Variants in UNC5C observed in about 807,000 individuals in gnomAD.
UNC5C encodes the protein netrin receptor UNC5C.
Under a neutral mutation model 99.8 loss-of-function variants are expected in UNC5C, and 47 were observed. The ratio of observed to expected loss-of-function variants is 0.47; its 90% CI spans 0.37 to 0.60. The LOEUF is 0.60. Among genes scored for constraint, UNC5C ranks in the 20% least tolerant of loss-of-function variants. The pLI is 0.00. For missense variants in UNC5C, 1,062 were observed against 1,165.9 expected (o/e 0.91, Z 1.30); for synonymous variants, 487 against 452.2 (o/e 1.08, Z -0.98).
At chr4:95,409,314 G>A (rs547884591) in intron 1 of UNC5C, among the ~76,000 whole-genome samples, 1 of 152,230 alleles carries the variant, frequency 6.6e-6, no homozygotes, top group Non-Finnish European at 1.5e-5. Flanking sequence ...TGTATTTCCT[G>A]TCTAATCTTT....
Position 95,426,184 on chromosome 4 carries a change from C to T in UNC5C, c.125-90553G>A, listed in dbSNP as rs117480830. Among the ~76,000 whole-genome samples, 532 of 152,194 alleles carry T rather than the reference C, an allele frequency of 3.5e-3. 24 individuals carry two copies. In the East Asian group the frequency reaches 0.084, roughly 24 times the overall value. Reference sequence around the variant, plus strand: ...TATGTCACATTTTGTTAATTCTTGCCGTATTTCAAAGTTTTCATTATAATT... The same window carrying T: ...TATGTCACATTTTGTTAATTCTTGCTGTATTTCAAAGTTTTCATTATAATT... On this transcript the variant is annotated intron_variant, in intron 1 of 15. Coordinates refer to ENST00000453304, the MANE Select transcript of UNC5C (RefSeq NM_003728.4).
intron 1 of UNC5C, among the ~76,000 whole-genome samples, chr4:95,510,265 T>A (rs1265657559): frequency 6.6e-6 from 1 of 152,052 alleles, no homozygotes; most frequent in African/African-American, 2.4e-5. Context: ...TATTTTACTA[T>A]AAATACTTTA....
At chr4:95,383,921 C>T (rs1560813076) in intron 1 of UNC5C, among the ~76,000 whole-genome samples, 1 of 152,096 alleles carries the variant, frequency 6.6e-6, no homozygotes. Flanking sequence ...AAATGGTTTC[C>T]TCTTCACATC....
At chr4:95,331,616 T>C (rs1292583737) in intron 2 of UNC5C, among the ~76,000 whole-genome samples, 5 of 152,166 alleles carry the variant, frequency 3.3e-5, no homozygotes, top group Non-Finnish European at 5.9e-5. Flanking sequence ...CTAAATCTTC[T>C]CTTAGTTCTC....
chr4:95,294,701 T>C (rs1741610314), intron 3 of UNC5C, among the ~76,000 whole-genome samples: 1 of 152,138 alleles, frequency 6.6e-6, no homozygotes. Context: ...CATGAAATGG[T>C]AAAGGAAAGA....
intron 1 of UNC5C, among the ~76,000 whole-genome samples, chr4:95,541,290 C>T (rs184137806): frequency 6.6e-6 from 1 of 152,228 alleles, no homozygotes; most frequent in East Asian, 1.9e-4. Flanking sequence ...ACATGAATCA[C>T]TCCTTCATCC....
chr4:95,448,242 G>GAGAGAGAGAC (rs1747177358), intron 1 of UNC5C, among the ~76,000 whole-genome samples: 4 of 150,702 alleles, frequency 2.7e-5, no homozygotes, highest in South Asian at 2.1e-4. Context: ...GAGAGAGAGA[G>GAGAGAGAGAC]AGAGAGAGAG....
intron 15 of UNC5C, 25 bp downstream of exon 15, chr4:95,170,127 CTA>C: frequency 6.2e-7 from 1 of 1,603,418 alleles, no homozygotes; most frequent in Non-Finnish European, 8.5e-7. Flanking sequence ...CAGAAAGAAG[CTA>C]GTCTTGGGGC....
At chr4:95,547,879 G>C (rs2149498662) in intron 1 of UNC5C, among the ~76,000 whole-genome samples, 1 of 152,252 alleles carries the variant, frequency 6.6e-6, no homozygotes, top group East Asian at 1.9e-4. Context: ...CCCAACTCCC[G>C]GCCACACTCT....
chr4:95,331,865 C>A (rs1222882227), intron 2 of UNC5C, among the ~76,000 whole-genome samples: 1 of 151,832 alleles, frequency 6.6e-6, no homozygotes, highest in Non-Finnish European at 1.5e-5. Context: ...AGTTTCATTT[C>A]TCAAAGTCTC....
chr4:95,260,835 T>C (rs533480654), intron 4 of UNC5C, among the ~76,000 whole-genome samples: 1 of 151,770 alleles, frequency 6.6e-6, no homozygotes, highest in South Asian at 2.1e-4. Context: ...TGCCCAAGGG[T>C]AAAAAAGGAG....
intron 1 of UNC5C, among the ~76,000 whole-genome samples, chr4:95,487,711 TGG>T (rs1317960952): frequency 6.6e-6 from 1 of 151,654 alleles, no homozygotes; most frequent in African/African-American, 2.4e-5. Context: ...AATCTAAATT[TGG>T]GGTCTAAATT....
At chr4:95,274,829 C>T (rs1018585234) in intron 4 of UNC5C, among the ~76,000 whole-genome samples, 5 of 151,998 alleles carry the variant, frequency 3.3e-5, no homozygotes, top group African/African-American at 1.2e-4. Context: ...AGTTTGAGAT[C>T]GGCCTGGCCA....
chr4:95,201,601 A>G (rs942505437), intron 12 of UNC5C, among the ~76,000 whole-genome samples: 1 of 151,252 alleles, frequency 6.6e-6, no homozygotes, highest in African/African-American at 2.4e-5. Flanking sequence ...ATGCCTGCAG[A>G]GAGTCTTCTT....
At chr4:95,481,785 C>G (rs1007135168) in intron 1 of UNC5C, among the ~76,000 whole-genome samples, 11 of 152,060 alleles carry the variant, frequency 7.2e-5, no homozygotes, top group Admixed American at 5.2e-4. Context: ...ATAAATAGTG[C>G]TGGGAAAACT....
rs1023516897 is a variant in UNC5C, at chr4:95,165,362, G to T, written c.*3872C>A. 1 of 152,188 alleles carries T rather than the reference G, an allele frequency of 6.6e-6. No homozygotes were observed. The allele number at this position is 152,188 out of a possible 1,614,324, so 9.4% of individuals were successfully genotyped here. A position where few individuals can be genotyped will look rare whatever the true frequency, so the allele number is the denominator to read the frequency against. ...TTGATATTGAACACCTCACCCAAAA[G>T]TTGTCCAGTTCTTGAAGAGCCTAAC... is the stretch of plus-strand genomic sequence containing the variant. On this transcript the variant is annotated 3_prime_UTR_variant, in exon 16 of 16. Transcript: ENST00000453304.
chr4:95,521,693 C>T (rs936111616), intron 1 of UNC5C, among the ~76,000 whole-genome samples: 6 of 152,108 alleles, frequency 3.9e-5, no homozygotes, highest in Non-Finnish European at 8.8e-5. Context: ...AGCAAACATC[C>T]ATTGGAAAAA....
intron 1 of UNC5C, among the ~76,000 whole-genome samples, chr4:95,355,788 TAG>T (rs1352878367): frequency 6.6e-6 from 1 of 152,112 alleles, no homozygotes; most frequent in Non-Finnish European, 1.5e-5. Flanking sequence ...GATGAATACA[TAG>T]AGATTCCTAA....
chr4:95,298,743 G>A (rs1011729828), intron 3 of UNC5C, among the ~76,000 whole-genome samples: 1 of 151,988 alleles, frequency 6.6e-6, no homozygotes, highest in Non-Finnish European at 1.5e-5. Context: ...GCTCCATGAG[G>A]GCAAGGATGG....
Sources: gnomAD v4.1 joint callset for allele counts (sites outside exome capture counted in the v4.1 genomes callset) on GRCh38, gnomAD v4.1.1 for gene constraint, MANE v1.5 for transcripts, NCBI Gene and HGNC (gene_info 2026-07-23, HGNC 2026-07-21) for gene names.